Variants in CECR2 observed in about 807,000 individuals in gnomAD.
The protein encoded by CECR2 is chromatin remodeling regulator CECR2.
A neutral mutation model predicts 154.5 loss-of-function variants in CECR2; 30 were observed. The observed-to-expected ratio is 0.19, with a 90% CI of 0.15 to 0.26. The LOEUF (loss-of-function observed/expected upper bound fraction) is 0.26, where lower values mean the gene tolerates loss of function less well. Among genes scored for constraint, CECR2 ranks in the 10% least tolerant of loss-of-function variants. The pLI, the probability that CECR2 is intolerant of heterozygous loss-of-function variation, is 1.00. For missense variants in CECR2, 1,743 were observed against 1,829.3 expected (o/e 0.95, Z 0.86); for synonymous variants, 725 against 683.7 (o/e 1.06, Z -0.94).
rs1450315340 is a variant in CECR2, at chr22:17,542,990, T to C, written c.2847T>C (p.Pro949=). 3 of 1,606,998 alleles carry C rather than the reference T, an allele frequency of 1.9e-6. No homozygotes were observed. Among genetic ancestry groups the C allele is most frequent in the East Asian group, 2.2e-5 (1 of 44,830 alleles). ...CGGAGAACAGTGAAGCACAAGAGCC[T>C]GAGAATGACCAAGGTAATTTACACT... ...RAPENSEAQE[P]ENDQAEPLPG... is the part of the protein sequence containing the mutation. Residue 949 remains proline (P), a synonymous_variant, in exon 16 of 19, where the codon CCT becomes CCC. Coordinates refer to ENST00000262608, the MANE Select transcript of CECR2 (RefSeq NM_001290047.2).
intron 12 of CECR2, 85 bp downstream of exon 12, chr22:17,538,816 A>G (rs933762145): frequency 1.4e-5 from 19 of 1,315,766 alleles, no homozygotes; most frequent in Non-Finnish European, 1.5e-5. Context: ...AAATATATAT[A>G]TATTTTGATA....
intron 7 of CECR2, among the ~76,000 whole-genome samples, chr22:17,506,640 C>T (rs1239648057): frequency 2.6e-5 from 4 of 152,038 alleles, no homozygotes; most frequent in Non-Finnish European, 5.9e-5. Context: ...CATTTCTTTT[C>T]ATGTTTTTTT....
intron 8 of CECR2, among the ~76,000 whole-genome samples, chr22:17,515,110 T>C (rs1352817128): frequency 6.6e-6 from 1 of 151,996 alleles, no homozygotes; most frequent in Non-Finnish European, 1.5e-5. Flanking sequence ...TAGGTAAAAT[T>C]GTAATTGTTG....
At chr22:17,388,516 T>C (rs1301402793) in intron 1 of CECR2, among the ~76,000 whole-genome samples, 1 of 152,138 alleles carries the variant, frequency 6.6e-6, no homozygotes, top group African/African-American at 2.4e-5. Flanking sequence ...GGTAAATGAA[T>C]TGAACAGTAC....
intron 1 of CECR2, among the ~76,000 whole-genome samples, chr22:17,470,871 A>G (rs1382292779): frequency 6.6e-6 from 1 of 152,100 alleles, no homozygotes; most frequent in African/African-American, 2.4e-5. Flanking sequence ...TCCAAGTTTG[A>G]TTATTCTTTC....
chr22:17,453,348 A>G (rs1416420449), intron 1 of CECR2, among the ~76,000 whole-genome samples: 2 of 152,218 alleles, frequency 1.3e-5, no homozygotes, highest in African/African-American at 4.8e-5. Flanking sequence ...AAGCTGAGGC[A>G]GGAGAACTGC....
chr22:17,393,015 G>A (rs2063341587), intron 1 of CECR2, among the ~76,000 whole-genome samples: 1 of 152,226 alleles, frequency 6.6e-6, no homozygotes, highest in Admixed American at 6.5e-5. Context: ...ACTGCAGCCT[G>A]GGTGACAGAG....
At chr22:17,398,244 A>C (rs1601286276) in intron 1 of CECR2, among the ~76,000 whole-genome samples, 1 of 152,030 alleles carries the variant, frequency 6.6e-6, no homozygotes, top group African/African-American at 2.4e-5. Context: ...TGTTATAAAG[A>C]GGGAGCGTTG....
intron 1 of CECR2, among the ~76,000 whole-genome samples, chr22:17,430,108 C>G (rs1420966798): frequency 6.6e-6 from 1 of 152,160 alleles, no homozygotes; most frequent in Non-Finnish European, 1.5e-5. Flanking sequence ...ATAATTGGTA[C>G]ATTGGAACTT....
rs1293042872 is a variant in CECR2 at position 17,553,033 on chromosome 22, A to G, written c.*193A>G. 1 of 1,304,220 alleles carries G rather than the reference A, an allele frequency of 7.7e-7. No individual in the cohort carries two copies. Among genetic ancestry groups the G allele is most frequent in the African/African-American group, 1.5e-5 (1 of 65,912 alleles). The allele number at this position is 1,304,220 out of a possible 1,614,324, so 80.8% of individuals were successfully genotyped here. A position where few individuals can be genotyped will look rare whatever the true frequency, so the allele number is the denominator to read the frequency against. On this transcript the variant is annotated 3_prime_UTR_variant, in exon 19 of 19. Coordinates refer to ENST00000262608, the MANE Select transcript of CECR2 (RefSeq NM_001290047.2). ...CACTCCTTAGATGACTGACACACAG[A>G]TTGCAAAGGTCCTCGGCCAGGGATC...
chr22:17,527,431 C>T (rs2056283297), intron 9 of CECR2, among the ~76,000 whole-genome samples: 1 of 152,060 alleles, frequency 6.6e-6, no homozygotes, highest in Admixed American at 6.6e-5. Context: ...GCACTCCATC[C>T]TGGGCAATAG....
chr22:17,460,210 A>G (rs548492413), intron 1 of CECR2, among the ~76,000 whole-genome samples: 216 of 152,084 alleles, frequency 1.4e-3, no homozygotes, highest in African/African-American at 4.9e-3. Flanking sequence ...TTTGGAAAAA[A>G]TTTAGATTTA....
intron 1 of CECR2, among the ~76,000 whole-genome samples, chr22:17,401,184 G>T (rs963754736): frequency 6.6e-6 from 1 of 152,080 alleles, no homozygotes; most frequent in African/African-American, 2.4e-5. Flanking sequence ...GAGGAGGGAC[G>T]GGTGACAGAA....
At chr22:17,372,176 A>G (rs1364953355) in intron 1 of CECR2, among the ~76,000 whole-genome samples, 6 of 152,238 alleles carry the variant, frequency 3.9e-5, no homozygotes, top group African/African-American at 9.6e-5. Context: ...TTTAAGAACT[A>G]TCCACACTCG....
chr22:17,533,441 C>T (rs569939295), intron 9 of CECR2, among the ~76,000 whole-genome samples: 2 of 151,874 alleles, frequency 1.3e-5, no homozygotes, highest in Non-Finnish European at 2.9e-5. Context: ...ATCAGCCTAG[C>T]TAACATGATG....
chr22:17,363,131 C>T (rs1232294407), intron 1 of CECR2, among the ~76,000 whole-genome samples: 2 of 151,268 alleles, frequency 1.3e-5, no homozygotes, highest in Admixed American at 1.3e-4. Flanking sequence ...CTCACTGCAA[C>T]CTCTGCCTCC....
At chr22:17,524,947 G>GTT in intron 9 of CECR2, 1 of 351,162 alleles carries the variant, frequency 2.8e-6, no homozygotes, top group Non-Finnish European at 5.8e-6. Flanking sequence ...GATTACAGGC[G>GTT]TGAGCCACTG....
At position 17,549,507 on chromosome 22, in the gene CECR2, A is replaced by G. The variant is rs889696976; in HGVS notation, c.4220A>G (p.Gln1407Arg). The change falls in exon 17 of 19, where the codon CAA becomes CGA. Residue 1407 changes from glutamine (Q) to arginine (R), a missense_variant. Gln to Arg is a conservative substitution (Grantham distance 43, BLOSUM62 1). Around this residue, in one of 4 missense-constraint regions of CECR2, gnomAD observed 1,250 missense variants for 1,192.1 expected, o/e 1.05. Coordinates refer to ENST00000262608, the MANE Select transcript of CECR2 (RefSeq NM_001290047.2). The part of the protein sequence containing the change: ...LGHFQAVMME[Q>R]IGTRSGIRGP... ...CACTTTCAAGCTGTGATGATGGAACAAATTGGCACTAGAAGTGGAATAAGA... is the reference window on the plus strand; with the variant it reads ...CACTTTCAAGCTGTGATGATGGAACGAATTGGCACTAGAAGTGGAATAAGA... 7 of 1,607,598 alleles carry G rather than the reference A, an allele frequency of 4.4e-6. No homozygotes were observed. The African/African-American group carries it at 9.4e-5, about 21-fold the overall frequency.
Position 17,548,500 on chromosome 22 carries a change from T to C in CECR2, c.3213T>C (p.Leu1071=). ...ASPCGSEGKG[L]GSSGSEKLLC... ...CTTGTGGATCGGAGGGGAAGGGCCT[T>C]GGTAGCAGTGGTTCCGAAAAGCTGC... The change falls in exon 17 of 19, where the codon CTT becomes CTC. Residue 1071 remains leucine (L), a synonymous_variant. Coordinates refer to ENST00000262608, the MANE Select transcript of CECR2 (RefSeq NM_001290047.2). 8 of 1,613,764 alleles carry C rather than the reference T, an allele frequency of 5.0e-6. No homozygotes were observed. The highest frequency in any genetic ancestry group is 5.9e-6 in the Non-Finnish European group (7 of 1,179,832).
Sources: gnomAD v4.1 joint callset for allele counts (sites outside exome capture counted in the v4.1 genomes callset) on GRCh38, gnomAD v4.1.1 for gene constraint, gnomAD v4.1.1 regional missense constraint, MANE v1.5 for transcripts, NCBI Gene and HGNC (gene_info 2026-07-23, HGNC 2026-07-21) for gene names.